NOX4: variants seen among roughly 807,000 people sequenced by gnomAD.
The protein encoded by NOX4 is kidney oxidase-1.
NOX4 carries 69 observed loss-of-function variants against 87.6 expected under a neutral mutation model. The ratio of observed to expected loss-of-function variants is 0.79; its 90% CI spans 0.65 to 0.96. NOX4 has a LOEUF of 0.96. NOX4 is among the 40% of genes least tolerant of loss of function. The pLI, the probability that NOX4 is intolerant of heterozygous loss-of-function variation, is 0.00. For missense variants in NOX4, 680 were observed against 681.5 expected (o/e 1.00, Z 0.02); for synonymous variants, 275 against 238.2 (o/e 1.15, Z -1.42).
upstream of NOX4, chr11:89,492,099 G>T (rs1327628819): frequency 6.6e-6 from 1 of 151,298 alleles, no homozygotes; most frequent in African/African-American, 2.4e-5. Context: ...CACTCTATTC[G>T]GGAATCTTTT....
intron 2 of NOX4, among the ~76,000 whole-genome samples, chr11:89,468,774 T>G (rs1945809044): frequency 6.6e-6 from 1 of 152,282 alleles, no homozygotes; most frequent in Non-Finnish European, 1.5e-5. Context: ...AGAGACAGTC[T>G]CATTCTGTCA....
intron 2 of NOX4, among the ~76,000 whole-genome samples, chr11:89,479,543 TC>T (rs1207630759): frequency 6.6e-6 from 1 of 152,174 alleles, no homozygotes; most frequent in Non-Finnish European, 1.5e-5. Context: ...ACTCATCTCT[TC>T]TTCCCTTAAA....
At chr11:89,544,215 ATC>A in the NOX4 span, among the ~76,000 whole-genome samples, 304 of 152,048 alleles carry the variant, frequency 2.0e-3, 4 homozygotes, top group African/African-American at 6.9e-3. Flanking sequence ...TCTTCTTGAA[ATC>A]TCTGCTTAAA....
At chr11:89,388,765 T>C (rs1377723234) in intron 11 of NOX4, among the ~76,000 whole-genome samples, 4 of 152,174 alleles carry the variant, frequency 2.6e-5, no homozygotes, top group Non-Finnish European at 4.4e-5. Context: ...AGTCAGTTAC[T>C]ACATACTGAA....
intron 2 of NOX4, among the ~76,000 whole-genome samples, chr11:89,467,172 C>T (rs910821461): frequency 1.2e-4 from 18 of 151,484 alleles, no homozygotes; most frequent in African/African-American, 4.1e-4. Flanking sequence ...CACAGTGAAA[C>T]CCCATCTCTA....
intron 12 of NOX4, among the ~76,000 whole-genome samples, chr11:89,356,194 G>T (rs1565191662): frequency 6.6e-6 from 1 of 152,060 alleles, no homozygotes; most frequent in Admixed American, 6.6e-5. Context: ...TTTTAGGAAA[G>T]GTAGGGGGAT....
At chr11:89,339,639 G>A (rs1414013657) in intron 15 of NOX4, among the ~76,000 whole-genome samples, 1 of 152,082 alleles carries the variant, frequency 6.6e-6, no homozygotes, top group Non-Finnish European at 1.5e-5. Context: ...AAAAAGTCTG[G>A]TGATTTGCAG....
the NOX4 span, among the ~76,000 whole-genome samples, chr11:89,556,393 T>C: frequency 5.3e-5 from 8 of 151,916 alleles, no homozygotes; most frequent in African/African-American, 1.7e-4. Flanking sequence ...CATGGTGGCA[T>C]GTGCCTGTAA....
the NOX4 span, among the ~76,000 whole-genome samples, chr11:89,514,262 C>T: frequency 4.0e-5 from 6 of 151,658 alleles, no homozygotes; most frequent in Non-Finnish European, 8.8e-5. Flanking sequence ...CTTTTGAATG[C>T]TGTTGTAAAT....
At chr11:89,364,536 T>C (rs557221497) in intron 12 of NOX4, among the ~76,000 whole-genome samples, 4 of 152,206 alleles carry the variant, frequency 2.6e-5, no homozygotes, top group African/African-American at 9.6e-5. Context: ...AACTTTATAC[T>C]GTCTTACATA....
the NOX4 span, chr11:89,545,145 C>T: frequency 6.6e-6 from 1 of 152,156 alleles, no homozygotes; most frequent in African/African-American, 2.4e-5. Context: ...CTTACCATGA[C>T]AGTTACTGCA....
intron 4 of NOX4, among the ~76,000 whole-genome samples, chr11:89,447,144 A>AG (rs939007193): frequency 4.6e-5 from 7 of 152,126 alleles, no homozygotes; most frequent in African/African-American, 1.4e-4. Context: ...AGTAAAACAA[A>AG]GGGGGTCTAA....
At position 89,325,105 on chromosome 11, in the gene NOX4, T is replaced by A. The variant is rs1262446222; in HGVS notation, c.*1651A>T. ...AAACAAAATCACTAAACTGTATGAA[T>A]GCTTTAATTCTTTTTTTTTTTTTTT... is the stretch of plus-strand genomic sequence containing the variant. On this transcript the variant is annotated 3_prime_UTR_variant, in exon 18 of 18. Transcript: ENST00000263317. 6.4e-5 allele frequency: 9 copies of A among 139,896 alleles called. No homozygotes were observed. The East Asian group carries it at 1.8e-3, about 28-fold the overall frequency. The allele number at this position is 139,896 out of a possible 1,614,324, so 8.7% of individuals were successfully genotyped here.
intron 13 of NOX4, among the ~76,000 whole-genome samples, chr11:89,348,151 C>A (rs916825277): frequency 4.1e-4 from 63 of 152,160 alleles, no homozygotes; most frequent in Non-Finnish European, 1.3e-4. Flanking sequence ...GGTGTGGTGG[C>A]TCATGCCTGT....
the NOX4 span, among the ~76,000 whole-genome samples, chr11:89,564,161 G>C: frequency 1.3e-5 from 2 of 152,080 alleles, no homozygotes; most frequent in African/African-American, 4.8e-5. Context: ...TGCAAATCCT[G>C]AACTGTATTA....
chr11:89,477,153 T>C (rs953864363), intron 2 of NOX4, among the ~76,000 whole-genome samples: 2 of 152,144 alleles, frequency 1.3e-5, no homozygotes, highest in Non-Finnish European at 2.9e-5. Flanking sequence ...AATGAAATAA[T>C]TATACAACTC....
At chr11:89,360,595 T>C (rs969806848) in intron 12 of NOX4, among the ~76,000 whole-genome samples, 3 of 152,110 alleles carry the variant, frequency 2.0e-5, no homozygotes, top group Non-Finnish European at 4.4e-5. Context: ...CTATTCTTAA[T>C]TCCTTTTCTG....
chr11:89,554,167 G>A, the NOX4 span, among the ~76,000 whole-genome samples: 1 of 151,774 alleles, frequency 6.6e-6, no homozygotes, highest in East Asian at 1.9e-4. Flanking sequence ...AAAAGGGGGG[G>A]AGGGGAATCT....
At chr11:89,446,532 C>T (rs902229894) in intron 4 of NOX4, among the ~76,000 whole-genome samples, 3 of 151,742 alleles carry the variant, frequency 2.0e-5, no homozygotes, top group Admixed American at 6.6e-5. Flanking sequence ...ATATTATTTA[C>T]CACTATAAAA....
Sources: gnomAD v4.1 joint callset for allele counts (sites outside exome capture counted in the v4.1 genomes callset) on GRCh38, gnomAD v4.1.1 for gene constraint, MANE v1.5 for transcripts, NCBI Gene and HGNC (gene_info 2026-07-23, HGNC 2026-07-21) for gene names.